Variants in SYNGR1 observed in about 807,000 individuals in gnomAD.
SYNGR1 encodes the protein synaptogyrin-1.
A neutral mutation model predicts 26.1 loss-of-function variants in SYNGR1; 14 were observed. That is an observed-to-expected ratio of 0.54 (90% confidence interval 0.35 to 0.84). SYNGR1 has a LOEUF of 0.84. Ranked by LOEUF, SYNGR1 falls within the 40% of genes least tolerant of loss-of-function variation. The probability of loss-of-function intolerance (pLI) is 0.01; values close to 1 mark genes in which losing one functional copy is unlikely to be tolerated. For missense variants in SYNGR1, 319 were observed against 332.9 expected (o/e 0.96, Z 0.33); for synonymous variants, 141 against 150.1 (o/e 0.94, Z 0.44).
Position 39,350,059 on chromosome 22 carries a change from C to A in SYNGR1, c.49C>A (p.Pro17Thr), listed in dbSNP as rs776638177. ...GAGKAGGAFD[P>T]YTLVRQPHTI... ...GGGCAAAGCCGGGGGCGCCTTCGACCCCTACACCCTGGTCCGGCAGCCGCA... is the reference window on the plus strand; with the variant it reads ...GGGCAAAGCCGGGGGCGCCTTCGACACCTACACCCTGGTCCGGCAGCCGCA... Residue 17 changes from proline (P) to threonine (T), a missense_variant, in exon 1 of 4, where the codon CCC becomes ACC. Pro to Thr is a conservative substitution (Grantham distance 38). Coordinates refer to ENST00000328933, the MANE Select transcript of SYNGR1 (RefSeq NM_004711.5). This position sits in a 1 kb window ranked among gnomAD's most constrained non-coding sequence, Gnocchi z 4.3. The A allele has an allele frequency of 9.6e-6, 14 of 1,452,580 alleles. No individual in the cohort carries two copies. Among genetic ancestry groups the A allele is most frequent in the Non-Finnish European group, 1.3e-5 (14 of 1,087,952 alleles). 90.0% of individuals were successfully genotyped at this position (1,452,580 alleles called of 1,614,324 possible).
At chr22:39,376,308 C>T in intron 3 of SYNGR1, 111 bp downstream of exon 3, 3 of 1,547,614 alleles carry the variant, frequency 1.9e-6, no homozygotes, top group South Asian at 1.1e-5. Flanking sequence ...GGAGCCCACA[C>T]TACCCTCGCT....
At chr22:39,369,435 C>T (rs1375243085) in intron 1 of SYNGR1, among the ~76,000 whole-genome samples, 1 of 152,178 alleles carries the variant, frequency 6.6e-6, no homozygotes, top group Middle Eastern at 3.2e-3. Context: ...GAGACTGAAT[C>T]GAGTCGCCTG....
At position 39,381,806 on chromosome 22, in the gene SYNGR1, C is replaced by T; in HGVS notation, c.594C>T (p.Pro198=). 1 of 1,527,128 alleles carries T rather than the reference C, an allele frequency of 6.5e-7. No individual in the cohort carries two copies. The highest frequency in any genetic ancestry group is 8.7e-7 in the Non-Finnish European group (1 of 1,151,326). The allele number at this position is 1,527,128 out of a possible 1,614,324, so 94.6% of individuals were successfully genotyped here. Reference sequence around the variant, plus strand: ...AGGACTCCAGCATGCCTTACGCGCCCTACGTGGAGCCCACTGGGCCGGATC... The same window carrying T: ...AGGACTCCAGCATGCCTTACGCGCCTTACGTGGAGCCCACTGGGCCGGATC... ...PSQDSSMPYA[P]YVEPTGPDPA... Residue 198 remains proline (P), a synonymous_variant, in exon 4 of 4, where the codon CCC becomes CCT. Transcript: ENST00000328933.
intron 1 of SYNGR1, among the ~76,000 whole-genome samples, chr22:39,372,438 CTTTT>C (rs767314185): frequency 1.8e-5 from 1 of 54,650 alleles, no homozygotes; most frequent in Non-Finnish European, 3.2e-5. Context: ...ACGCCCAGCT[CTTTT>C]TTTTTTTTTT....
At chr22:39,368,777 C>T (rs1329530344) in intron 1 of SYNGR1, among the ~76,000 whole-genome samples, 2 of 152,216 alleles carry the variant, frequency 1.3e-5, no homozygotes. Flanking sequence ...CACTTATTTT[C>T]AGCGCTGGCA....
chr22:39,380,777 G>T (rs1175292684), intron 3 of SYNGR1, among the ~76,000 whole-genome samples: 1 of 151,720 alleles, frequency 6.6e-6, no homozygotes, highest in Non-Finnish European at 1.5e-5. Context: ...ATGCCACCAT[G>T]CCCAGCTAAT....
intron 1 of SYNGR1, 102 bp from the exon 2 acceptor site, chr22:39,374,214 A>C: frequency 9.3e-7 from 1 of 1,080,278 alleles, no homozygotes; most frequent in East Asian, 2.4e-5. Context: ...CTTGTAGCTC[A>C]CGGAGGGCCA....
Position 39,382,152 on chromosome 22 carries a change from A to G in SYNGR1, c.*238A>G. 1.7e-6 allele frequency: 1 copy of G among 597,264 alleles called. No individual in the cohort carries two copies. Among genetic ancestry groups the G allele is most frequent in the Non-Finnish European group, 3.0e-6 (1 of 334,906 alleles). The allele number at this position is 597,264 out of a possible 1,614,324, so 37.0% of individuals were successfully genotyped here. A position where few individuals can be genotyped will look rare whatever the true frequency, so the allele number is the denominator to read the frequency against. ...GGCCTAGAGGGTGGGGGCCAGGGGTATTTGCATTCATACATTGTGTCATCA... is the reference window on the plus strand; with the variant it reads ...GGCCTAGAGGGTGGGGGCCAGGGGTGTTTGCATTCATACATTGTGTCATCA... On this transcript the variant is annotated 3_prime_UTR_variant, in exon 4 of 4. Coordinates refer to ENST00000328933, the MANE Select transcript of SYNGR1 (RefSeq NM_004711.5).
intron 1 of SYNGR1, among the ~76,000 whole-genome samples, chr22:39,361,433 A>T (rs1861867822): frequency 1.4e-5 from 2 of 144,668 alleles, no homozygotes; most frequent in South Asian, 4.3e-4. Context: ...ATCCCAACTC[A>T]CTGCAACCTC....
chr22:39,365,457 C>T (rs1924695661), intron 1 of SYNGR1, among the ~76,000 whole-genome samples: 3 of 152,152 alleles, frequency 2.0e-5, no homozygotes, highest in Admixed American at 6.6e-5. Context: ...GAGTGAAGAG[C>T]ATACATTTCT....
chr22:39,384,410 T>C lies in SYNGR1; in HGVS notation c.*2496T>C. 2.5e-6 allele frequency: 1 copy of C among 397,830 alleles called. No homozygotes were observed. The highest frequency in any genetic ancestry group is 3.5e-5 in the East Asian group (1 of 28,214). The allele number at this position is 397,830 out of a possible 1,614,324, so 24.6% of individuals were successfully genotyped here. ...GGGTGCTGAGTCATCTCACGAAGAATCCCTCACTCTTCCCGGGTTCAGCCC... is the reference window on the plus strand; with the variant it reads ...GGGTGCTGAGTCATCTCACGAAGAACCCCTCACTCTTCCCGGGTTCAGCCC... On this transcript the variant is annotated 3_prime_UTR_variant, in exon 4 of 4. Coordinates refer to ENST00000328933, the MANE Select transcript of SYNGR1 (RefSeq NM_004711.5).
chr22:39,362,973 A>C (rs1200746491), intron 1 of SYNGR1, among the ~76,000 whole-genome samples: 1 of 152,222 alleles, frequency 6.6e-6, no homozygotes, highest in African/African-American at 2.4e-5. Flanking sequence ...GATGTTACCA[A>C]GAAAATTAAT....
chr22:39,365,368 T>C (rs1473030345), intron 1 of SYNGR1, among the ~76,000 whole-genome samples: 6 of 152,150 alleles, frequency 3.9e-5, no homozygotes, highest in Non-Finnish European at 8.8e-5. Flanking sequence ...AAGCCTCAAC[T>C]CCACTCCTGC....
At chr22:39,361,301 G>A (rs1390744048) in intron 1 of SYNGR1, among the ~76,000 whole-genome samples, 1 of 152,026 alleles carries the variant, frequency 6.6e-6, no homozygotes, top group Admixed American at 6.6e-5. Flanking sequence ...CTGGCAGGGC[G>A]GGGGCAGGCA....
At chr22:39,370,111 G>A (rs1320414711) in intron 1 of SYNGR1, among the ~76,000 whole-genome samples, 2 of 152,048 alleles carry the variant, frequency 1.3e-5, no homozygotes, top group African/African-American at 4.8e-5. Context: ...GGGACCACAG[G>A]TGCATGCCAC....
intron 1 of SYNGR1, among the ~76,000 whole-genome samples, chr22:39,360,590 A>G (rs1924425134): frequency 2.6e-5 from 4 of 152,026 alleles, no homozygotes; most frequent in African/African-American, 9.7e-5. Flanking sequence ...CGCTCGCCGC[A>G]GAATGTGGAC....
At chr22:39,358,812 A>T (rs915409556) in intron 1 of SYNGR1, among the ~76,000 whole-genome samples, 1 of 152,194 alleles carries the variant, frequency 6.6e-6, no homozygotes, top group Non-Finnish European at 1.5e-5. Flanking sequence ...AGACGGCATC[A>T]GCTGGAGCCT....
At chr22:39,360,645 G>T (rs2049985) in intron 1 of SYNGR1, among the ~76,000 whole-genome samples, 1 of 152,024 alleles carries the variant, frequency 6.6e-6, no homozygotes, top group Non-Finnish European at 1.5e-5. Flanking sequence ...TGCTGAGCAC[G>T]GGCCGGATGA....
chr22:39,362,041 C>A (rs1430534196), intron 1 of SYNGR1, among the ~76,000 whole-genome samples: 2 of 142,488 alleles, frequency 1.4e-5, no homozygotes, highest in African/African-American at 5.4e-5. Context: ...AGAGACGAGG[C>A]CTCACTATGT....
Sources: gnomAD v4.1 joint callset for allele counts (sites outside exome capture counted in the v4.1 genomes callset) on GRCh38, gnomAD v4.1.1 for gene constraint, Gnocchi (gnomAD v3.1) non-coding constraint, MANE v1.5 for transcripts, NCBI Gene and HGNC (gene_info 2026-07-23, HGNC 2026-07-21) for gene names.